COL5A1: variants seen among roughly 807,000 people sequenced by gnomAD.
COL5A1 encodes collagen type V alpha 1 chain.
In COL5A1, 16 loss-of-function variants were observed where a neutral mutation model predicts 263.7. The observed-to-expected ratio is 0.06, with a 90% confidence interval of 0.04 to 0.09. The LOEUF (loss-of-function observed/expected upper bound fraction) is 0.09, where lower values mean the gene tolerates loss of function less well. COL5A1 is among the 10% of genes least tolerant of loss of function. The probability of loss-of-function intolerance (pLI) is 1.00; values close to 1 mark genes in which losing one functional copy is unlikely to be tolerated. For missense variants in COL5A1, 2,036 were observed against 2,540.5 expected (o/e 0.80, Z 4.27); for synonymous variants, 1,012 against 1,004.5 (o/e 1.01, Z -0.14).
At chr9:134,796,555 C>A in intron 35 of COL5A1, 137 bp downstream of exon 35, 1 of 942,662 alleles carries the variant, frequency 1.1e-6, no homozygotes, top group South Asian at 1.4e-5. Flanking sequence ...TTCCTAAGAT[C>A]CCAAGGGTGG....
intron 37 of COL5A1, among the ~76,000 whole-genome samples, chr9:134,800,501 T>G (rs902542075): frequency 1.3e-5 from 2 of 151,978 alleles, no homozygotes; most frequent in African/African-American, 4.8e-5. Flanking sequence ...TCCCAACACT[T>G]TGGGAGGCCG....
intron 1 of COL5A1, among the ~76,000 whole-genome samples, chr9:134,648,903 G>A (rs1033569236): frequency 9.2e-5 from 14 of 152,322 alleles, no homozygotes; most frequent in Admixed American, 6.5e-4. Context: ...AGTTCAGCCC[G>A]CAGAGTGGCC....
rs1833089303 is a variant in COL5A1, at chr9:134,686,633, A to C, written c.110-4279A>C. 6.6e-6 allele frequency among the ~76,000 whole-genome samples: 1 copy of C among 152,118 alleles called. No individual in the cohort carries two copies. Among genetic ancestry groups the C allele is most frequent in the Non-Finnish European group, 1.5e-5 (1 of 68,032 alleles). The stretch of plus-strand genomic sequence containing the variant: ...ATTCCTTTATAGGTCTGGGGACCTG[A>C]TGCCTGGTTATATCCTCATGAAAAT... On this transcript the variant is annotated intron_variant, in intron 1 of 65. Transcript: ENST00000371817. This position sits in a 1 kb window ranked among gnomAD's most constrained non-coding sequence, Gnocchi z 4.6.
intron 1 of COL5A1, chr9:134,649,733 C>T (rs1050597776): frequency 3.2e-5 from 11 of 341,244 alleles, no homozygotes; most frequent in African/African-American, 1.9e-4. Context: ...GAAATGCACA[C>T]GTATGTTTAT....
At chr9:134,746,531 G>C (rs1835519748) in intron 11 of COL5A1, among the ~76,000 whole-genome samples, 1 of 152,232 alleles carries the variant, frequency 6.6e-6, no homozygotes, top group African/African-American at 2.4e-5. Context: ...GAGCCACTTT[G>C]TGAGGCATCT....
intron 28 of COL5A1, among the ~76,000 whole-genome samples, chr9:134,781,013 G>A (rs1837230870): frequency 1.3e-5 from 2 of 152,250 alleles, no homozygotes; most frequent in African/African-American, 4.8e-5. Context: ...GGCCACGGCG[G>A]CCTGCGGGGC....
At chr9:134,829,346 T>C (rs1435221585) in intron 63 of COL5A1, among the ~76,000 whole-genome samples, 282 of 132,576 alleles carry the variant, frequency 2.1e-3, no homozygotes, top group African/African-American at 7.9e-3. Context: ...CCCCGAGGGC[T>C]GGGGCCAGGC....
At chr9:134,780,167 A>G (rs2132760196) in intron 28 of COL5A1, 21 bp downstream of exon 28, 2 of 1,612,734 alleles carry the variant, frequency 1.2e-6, no homozygotes, top group Non-Finnish European at 1.7e-6. Flanking sequence ...CCTTGCAGCC[A>G]CGGGGCCCCC....
intron 4 of COL5A1, among the ~76,000 whole-genome samples, chr9:134,722,963 T>C (rs997845054): frequency 6.6e-6 from 1 of 152,150 alleles, no homozygotes; most frequent in African/African-American, 2.4e-5. Context: ...AGGGCCCCAC[T>C]CTTGCTTCCT....
chr9:134,645,780 C>T (rs1051419826), intron 1 of COL5A1, among the ~76,000 whole-genome samples: 7 of 152,170 alleles, frequency 4.6e-5, no homozygotes, highest in African/African-American at 1.7e-4. Context: ...GTCACAGTTC[C>T]CTCTTCTCAC....
intron 31 of COL5A1, among the ~76,000 whole-genome samples, chr9:134,787,838 C>A (rs1837518107): frequency 1.3e-5 from 2 of 152,218 alleles, no homozygotes; most frequent in Admixed American, 1.3e-4. Flanking sequence ...CTCCCAAACA[C>A]CAGCCACCCT....
chr9:134,655,749 A>G (rs1264743170), intron 1 of COL5A1, among the ~76,000 whole-genome samples: 1 of 152,082 alleles, frequency 6.6e-6, no homozygotes, highest in African/African-American at 2.4e-5. Context: ...ACCAGGCTGG[A>G]CTCAGCCCGA....
At chr9:134,811,899 C>T (rs912626644) in intron 46 of COL5A1, among the ~76,000 whole-genome samples, 4 of 152,248 alleles carry the variant, frequency 2.6e-5, no homozygotes, top group Non-Finnish European at 5.9e-5. Context: ...CAACGATAAA[C>T]ATTTGGGCAT....
At chr9:134,649,546 G>A in intron 1 of COL5A1, 1 of 470,104 alleles carries the variant, frequency 2.1e-6, no homozygotes, top group Non-Finnish European at 4.4e-6. Flanking sequence ...TTCCTTGCCA[G>A]GACCTCGGCA....
At chr9:134,662,489 C>A (rs976697890) in intron 1 of COL5A1, among the ~76,000 whole-genome samples, 2 of 152,260 alleles carry the variant, frequency 1.3e-5, no homozygotes, top group Non-Finnish European at 2.9e-5. Context: ...CTCCCCAGCA[C>A]CCTTCCTGAC....
intron 41 of COL5A1, 64 bp downstream of exon 41, chr9:134,805,278 T>A: frequency 6.3e-7 from 1 of 1,577,750 alleles, no homozygotes; most frequent in Non-Finnish European, 8.7e-7. Flanking sequence ...GAAGGGGCAG[T>A]CCCCGAGAGC....
chr9:134,694,148 A>T (rs190553443), intron 2 of COL5A1, among the ~76,000 whole-genome samples: 228 of 152,352 alleles, frequency 1.5e-3, no homozygotes, highest in Admixed American at 2.8e-3. Context: ...CGATCCCCTG[A>T]CAAAATCCCT....
At chr9:134,822,588 G>A (rs776202416) in intron 59 of COL5A1, among the ~76,000 whole-genome samples, 5 of 152,090 alleles carry the variant, frequency 3.3e-5, no homozygotes, top group East Asian at 1.9e-4. Context: ...CCCCACAGCC[G>A]CTGGGCTGCA....
chr9:134,773,327 C>T (rs1474008152), intron 26 of COL5A1, among the ~76,000 whole-genome samples: 2 of 151,798 alleles, frequency 1.3e-5, no homozygotes, highest in African/African-American at 4.8e-5. Flanking sequence ...GGGTCCCATG[C>T]AGCACGTCCA....
Sources: gnomAD v4.1 joint callset for allele counts (sites outside exome capture counted in the v4.1 genomes callset) on GRCh38, gnomAD v4.1.1 for gene constraint, Gnocchi (gnomAD v3.1) non-coding constraint, MANE v1.5 for transcripts, NCBI Gene and HGNC (gene_info 2026-07-23, HGNC 2026-07-21) for gene names.